The following RABGAP1L variants were observed in gnomAD, a reference collection of about 807,000 sequenced individuals.
The protein encoded by RABGAP1L is rab GTPase-activating protein 1-like.
A neutral mutation model predicts 137.7 loss-of-function variants in RABGAP1L; 63 were observed. The ratio of observed to expected loss-of-function variants is 0.46; its 90% CI spans 0.37 to 0.56. The LOEUF (loss-of-function observed/expected upper bound fraction) is 0.56, where lower values mean the gene tolerates loss of function less well. RABGAP1L is among the 20% of genes least tolerant of loss of function. The pLI is 0.00. For missense variants in RABGAP1L, 1,095 were observed against 1,244.0 expected (o/e 0.88, Z 1.80); for synonymous variants, 431 against 433.7 (o/e 0.99, Z 0.08).
At chr1:174,652,924 C>G (rs931274254) in intron 14 of RABGAP1L, among the ~76,000 whole-genome samples, 1 of 152,194 alleles carries the variant, frequency 6.6e-6, no homozygotes, top group Non-Finnish European at 1.5e-5. Flanking sequence ...GGTGCTCTGT[C>G]CCAGGGAGAT....
At chr1:174,457,587 C>T (rs1656186983) in intron 13 of RABGAP1L, among the ~76,000 whole-genome samples, 2 of 149,734 alleles carry the variant, frequency 1.3e-5, no homozygotes, top group Non-Finnish European at 1.5e-5. Context: ...ACTGCAATGT[C>T]CTCCTCCCAG....
Position 174,488,871 on chromosome 1 carries a change from T to G in RABGAP1L, c.1710+94726T>G, listed in dbSNP as rs1659933292. ...ATGTTAATGTGCTGCACCCATTAAC[T>G]CATCATTTACATTAGGTATTTCTCC... On this transcript the variant is annotated intron_variant, in intron 13 of 25. Transcript: ENST00000681986. 4.0e-5 allele frequency among the ~76,000 whole-genome samples: 6 copies of G among 151,616 alleles called. No individual in the cohort carries two copies. In the South Asian group the frequency reaches 1.0e-3, roughly 27 times the overall value.
chr1:174,349,044 C>CGGGG lies in RABGAP1L; in HGVS notation c.1466-21928_1466-21925dup, dbSNP rs551877098. Among the ~76,000 whole-genome samples, 520 of 102,540 alleles carry CGGGG rather than the reference C, an allele frequency of 5.1e-3. 14 individuals carry two copies. The highest frequency in any genetic ancestry group is 0.031 in the East Asian group (45 of 1,460). The allele number at this position is 102,540 out of a possible 152,430, so 67.3% of individuals were successfully genotyped here. A position where few individuals can be genotyped will look rare whatever the true frequency, so the allele number is the denominator to read the frequency against. On this transcript the variant is annotated intron_variant, in intron 11 of 25. Transcript: ENST00000681986. Reference sequence around the variant, plus strand: ...CTCCCGGACAGGGCGGCTGGCCGGGCGGGGGGGGGGCTGACCCCCCCCACC... The same window carrying CGGGG: ...CTCCCGGACAGGGCGGCTGGCCGGGCGGGGGGGGGGGGGGCTGACCCCCCCCACC...
chr1:174,451,543 G>T (rs190321878), intron 13 of RABGAP1L, among the ~76,000 whole-genome samples: 2 of 152,104 alleles, frequency 1.3e-5, no homozygotes, highest in Non-Finnish European at 2.9e-5. Flanking sequence ...ATGATTATTC[G>T]TCAGTTAACT....
chr1:174,534,132 CTGTGTGTGTG>C (rs35255973), intron 13 of RABGAP1L, among the ~76,000 whole-genome samples: 13,180 of 132,540 alleles, frequency 0.099, 686 homozygotes, highest in East Asian at 0.2. Flanking sequence ...GAGGTCAACT[CTGTGTGTGTG>C]TGTGTGTGTG....
chr1:174,312,787 AG>A (rs1678979667), intron 11 of RABGAP1L, among the ~76,000 whole-genome samples: 1 of 152,136 alleles, frequency 6.6e-6, no homozygotes, highest in Non-Finnish European at 1.5e-5. Flanking sequence ...ATATGGTGAG[AG>A]GGGATTAGTT....
intron 13 of RABGAP1L, among the ~76,000 whole-genome samples, chr1:174,416,042 A>ATACACT (rs1650551448): frequency 6.7e-6 from 1 of 148,344 alleles, no homozygotes; most frequent in Non-Finnish European, 1.5e-5. Context: ...ATATACACAC[A>ATACACT]CATTTTTTTT....
At chr1:174,520,182 A>C (rs1362573443) in intron 13 of RABGAP1L, among the ~76,000 whole-genome samples, 1 of 152,248 alleles carries the variant, frequency 6.6e-6, no homozygotes, top group Admixed American at 6.5e-5. Context: ...AAGGGATAGG[A>C]AATGAAAGCC....
intron 19 of RABGAP1L, among the ~76,000 whole-genome samples, chr1:174,821,538 T>G (rs1255913964): frequency 6.6e-6 from 1 of 152,170 alleles, no homozygotes; most frequent in Non-Finnish European, 1.5e-5. Context: ...TAGAATTTAA[T>G]TTTTTTTCTC....
Position 174,447,984 on chromosome 1 carries a change from G to A in RABGAP1L, c.1710+53839G>A. ...TGAGCACTCTCTGGGACTCTCAGCT[G>A]TGACAGAAGCACTGACACTGTCTAC... On this transcript the variant is annotated intron_variant, in intron 13 of 25. Transcript: ENST00000681986. The A allele has an allele frequency of 4.3e-6, 3 of 705,154 alleles. No homozygotes were observed. In the South Asian group the frequency reaches 5.3e-5, roughly 13 times the overall value. 43.7% of individuals were successfully genotyped at this position (705,154 alleles called of 1,614,324 possible). A position where few individuals can be genotyped will look rare whatever the true frequency, so the allele number is the denominator to read the frequency against.
At chr1:174,935,790 T>G (rs1259144746) in intron 19 of RABGAP1L, among the ~76,000 whole-genome samples, 1 of 152,080 alleles carries the variant, frequency 6.6e-6, no homozygotes, top group South Asian at 2.1e-4. Context: ...GAGATCAGCC[T>G]GGGCAACACA....
intron 24 of RABGAP1L, among the ~76,000 whole-genome samples, chr1:174,987,063 C>T (rs1488865375): frequency 2.0e-5 from 3 of 151,964 alleles, no homozygotes; most frequent in Admixed American, 6.6e-5. Flanking sequence ...AAAAGGAATA[C>T]GAAGAGTGGT....
chr1:174,715,667 C>T (rs1680941921), intron 17 of RABGAP1L, among the ~76,000 whole-genome samples: 1 of 152,220 alleles, frequency 6.6e-6, no homozygotes, highest in African/African-American at 2.4e-5. Flanking sequence ...TTATCCTTGT[C>T]CTTCATGTCC....
intron 19 of RABGAP1L, among the ~76,000 whole-genome samples, chr1:174,907,374 A>G (rs2149181349): frequency 6.6e-6 from 1 of 152,190 alleles, no homozygotes; most frequent in African/African-American, 2.4e-5. Context: ...CTGCAGTGGC[A>G]TGATTATGGT....
chr1:174,485,489 T>G (rs1659537516), intron 13 of RABGAP1L, among the ~76,000 whole-genome samples: 1 of 152,126 alleles, frequency 6.6e-6, no homozygotes, highest in Non-Finnish European at 1.5e-5. Flanking sequence ...TGTATGTGGT[T>G]TTTATTATGT....
chr1:174,985,903 A>G (rs770806186), intron 24 of RABGAP1L, among the ~76,000 whole-genome samples: 1 of 152,108 alleles, frequency 6.6e-6, no homozygotes, highest in African/African-American at 2.4e-5. Flanking sequence ...GTGGACTTCT[A>G]TCCTCAAGGT....
At chr1:174,429,466 G>A (rs1652338949) in intron 13 of RABGAP1L, among the ~76,000 whole-genome samples, 1 of 152,176 alleles carries the variant, frequency 6.6e-6, no homozygotes, top group African/African-American at 2.4e-5. Flanking sequence ...GGAGGGCCGG[G>A]CACGGTGGCT....
chr1:174,373,566 C>T (rs114782152), intron 12 of RABGAP1L, among the ~76,000 whole-genome samples: 3,071 of 152,272 alleles, frequency 0.02, 111 homozygotes, highest in African/African-American at 0.071. Context: ...TTAGAAAGAA[C>T]TGTCAGGGCA....
intron 4 of RABGAP1L, among the ~76,000 whole-genome samples, chr1:174,240,749 G>T (rs1164953941): frequency 6.6e-6 from 1 of 152,168 alleles, no homozygotes; most frequent in East Asian, 1.9e-4. Flanking sequence ...GGCTCTCCAG[G>T]AATAGTCTAT....
Sources: gnomAD v4.1 joint callset for allele counts (sites outside exome capture counted in the v4.1 genomes callset) on GRCh38, gnomAD v4.1.1 for gene constraint, MANE v1.5 for transcripts, NCBI Gene and HGNC (gene_info 2026-07-23, HGNC 2026-07-21) for gene names.